GABRG2: variants seen among roughly 807,000 people sequenced by gnomAD.
The protein encoded by GABRG2 is gamma-aminobutyric acid receptor subunit gamma-2.
A neutral mutation model predicts 56.4 loss-of-function variants in GABRG2; 16 were observed. That is an observed-to-expected ratio of 0.28 (90% CI 0.19 to 0.43). GABRG2 has a LOEUF of 0.43. GABRG2 is among the 20% of genes least tolerant of loss of function. GABRG2 has a pLI of 1.00. For synonymous variants in GABRG2, 208 were observed against 205.5 expected, an observed-to-expected ratio of 1.01 and a Z score of -0.10; for missense variants, 327 against 582.7, an observed-to-expected ratio of 0.56 and a Z score of 4.52.
At chr5:162,117,443 GA>G (rs903186468) in intron 6 of GABRG2, among the ~76,000 whole-genome samples, 1,555 of 148,850 alleles carry the variant, frequency 0.01, 28 homozygotes, top group African/African-American at 0.036. Context: ...TCTTTTCATG[GA>G]AAAAAAAAAT....
At chr5:162,143,820 T>A (rs1764759047) in intron 7 of GABRG2, among the ~76,000 whole-genome samples, 1 of 152,180 alleles carries the variant, frequency 6.6e-6, no homozygotes, top group African/African-American at 2.4e-5. Context: ...TAGTAAAGCC[T>A]CAGAAATGTT....
Position 162,153,836 on chromosome 5 carries a change from T to G in GABRG2, c.*468T>G, listed in dbSNP as rs1167572595. 5.6e-6 allele frequency: 1 copy of G among 179,986 alleles called. No individual in the cohort carries two copies. The highest frequency in any genetic ancestry group is 1.2e-5 in the Non-Finnish European group (1 of 83,958). The allele number at this position is 179,986 out of a possible 1,614,324, so 11.1% of individuals were successfully genotyped here. A position where few individuals can be genotyped will look rare whatever the true frequency, so the allele number is the denominator to read the frequency against. The stretch of plus-strand genomic sequence containing the variant: ...ATAACTCACTTTAAATATGAAAGCC[T>G]AGTCCAGAAATCTATTACACCTTTA... On this transcript the variant is annotated 3_prime_UTR_variant, in exon 10 of 10. Transcript: ENST00000639213.
intron 6 of GABRG2, among the ~76,000 whole-genome samples, chr5:162,136,250 G>C (rs1211275416): frequency 2.6e-5 from 4 of 152,178 alleles, no homozygotes; most frequent in African/African-American, 9.6e-5. Flanking sequence ...ACTCTAGAAA[G>C]AAAAGCTTGG....
intron 1 of GABRG2, among the ~76,000 whole-genome samples, chr5:162,068,829 C>G (rs1244798698): frequency 1.3e-5 from 2 of 152,088 alleles, no homozygotes; most frequent in Non-Finnish European, 2.9e-5. Flanking sequence ...AGATCCTGAT[C>G]TGTTTACCTC....
In GABRG2 at chr5:162,093,983, T is replaced by C; in HGVS notation, c.259+4T>C. 6.2e-7 allele frequency: 1 copy of C among 1,613,088 alleles called. No individual in the cohort carries two copies. The highest frequency in any genetic ancestry group is 1.3e-5 in the African/African-American group (1 of 74,982). On this transcript the variant is annotated splice_donor_region_variant and intron_variant, in intron 2 of 9. Coordinates refer to ENST00000639213, the MANE Select transcript of GABRG2 (RefSeq NM_198904.4). ...AAACTTCGGCCTGATATAGGAGGTT[T>C]GTTAAAGTCTTTTGCGTTGTGCTAT...
intron 6 of GABRG2, among the ~76,000 whole-genome samples, chr5:162,109,388 TAATATA>T (rs1219942807): frequency 0.041 from 1,599 of 39,166 alleles, 57 homozygotes; most frequent in African/African-American, 0.13. Flanking sequence ...ACTTAAAGTA[TAATATA>T]TATATATATA....
intron 6 of GABRG2, among the ~76,000 whole-genome samples, chr5:162,104,469 G>A (rs756978176): frequency 1.3e-5 from 2 of 151,998 alleles, no homozygotes; most frequent in Non-Finnish European, 2.9e-5. Flanking sequence ...TCCATCAGTG[G>A]ATAATAGAAC....
chr5:162,095,647 C>T, intron 3 of GABRG2, 85 bp downstream of exon 3: 1 of 954,850 alleles, frequency 1.0e-6, no homozygotes. Context: ...AAAAGACATG[C>T]CAGCAAAAAA....
At chr5:162,079,654 T>C (rs1759489244) in intron 1 of GABRG2, among the ~76,000 whole-genome samples, 1 of 151,984 alleles carries the variant, frequency 6.6e-6, no homozygotes, top group Non-Finnish European at 1.5e-5. Context: ...TATATAACAC[T>C]GCTTTTATAA....
chr5:162,101,529 A>G, intron 5 of GABRG2: 3 of 580,916 alleles, frequency 5.2e-6, no homozygotes, highest in Admixed American at 5.9e-5. Context: ...ATTAAGAATT[A>G]CAATAGGTTT....
intron 8 of GABRG2, 112 bp from the exon 9 acceptor site, chr5:162,151,616 CTG>C (rs959744569): frequency 2.0e-5 from 18 of 881,400 alleles, no homozygotes; most frequent in Non-Finnish European, 2.7e-5. Flanking sequence ...ATTTCACTTA[CTG>C]TGTTTTCAAA....
chr5:162,109,880 A>G (rs1167636761), intron 6 of GABRG2, among the ~76,000 whole-genome samples: 1 of 152,028 alleles, frequency 6.6e-6, no homozygotes, highest in African/African-American at 2.4e-5. Context: ...CTTACGGGAA[A>G]CTTACATTGG....
chr5:162,102,875 G>A (rs1242941790), intron 5 of GABRG2: 2 of 177,402 alleles, frequency 1.1e-5, no homozygotes, highest in Admixed American at 1.1e-4. Context: ...AATAGATAAA[G>A]CTGCATCAAA....
intron 8 of GABRG2, chr5:162,149,805 G>T (rs1210442590): frequency 2.8e-6 from 1 of 363,358 alleles, no homozygotes; most frequent in African/African-American, 2.1e-5. Context: ...GTACAGACGG[G>T]GTTTCACCAT....
chr5:162,129,758 T>C (rs1763597291), intron 6 of GABRG2, among the ~76,000 whole-genome samples: 1 of 152,020 alleles, frequency 6.6e-6, no homozygotes, highest in African/African-American at 2.4e-5. Flanking sequence ...ATTTCAAAAA[T>C]AAATTTTAGA....
Position 162,154,357 on chromosome 5 carries a change from C to G in GABRG2, c.*989C>G, listed in dbSNP as rs1765578554. Reference sequence around the variant, plus strand: ...GTGGGCAGAATCCTTGTCATTTCCTCTTTGGGTCTGTAGCACCTTGCATAG... The same window carrying G: ...GTGGGCAGAATCCTTGTCATTTCCTGTTTGGGTCTGTAGCACCTTGCATAG... On this transcript the variant is annotated 3_prime_UTR_variant, in exon 10 of 10. Transcript: ENST00000639213. 1 of 152,118 alleles carries G rather than the reference C, an allele frequency of 6.6e-6. No individual in the cohort carries two copies. The highest frequency in any genetic ancestry group is 1.5e-5 in the Non-Finnish European group (1 of 68,030). 9.4% of individuals were successfully genotyped at this position (152,118 alleles called of 1,614,324 possible).
intron 1 of GABRG2, among the ~76,000 whole-genome samples, chr5:162,088,732 A>G (rs1760327670): frequency 6.6e-6 from 1 of 152,118 alleles, no homozygotes; most frequent in Non-Finnish European, 1.5e-5. Context: ...TAATGGTTAA[A>G]TGTTTAGTTT....
intron 4 of GABRG2, chr5:162,099,127 T>A (rs1761220970): frequency 6.6e-6 from 1 of 152,114 alleles, no homozygotes; most frequent in Non-Finnish European, 1.5e-5. Context: ...ATATAATACT[T>A]GAATAGGCTC....
At chr5:162,139,242 C>A (rs1350235210) in intron 6 of GABRG2, among the ~76,000 whole-genome samples, 1 of 152,314 alleles carries the variant, frequency 6.6e-6, no homozygotes, top group Non-Finnish European at 1.5e-5. Context: ...AGGAATAAAT[C>A]TGAAGTGGCA....
Sources: allele counts gnomAD v4.1 joint callset (sites outside exome capture counted in the v4.1 genomes callset), GRCh38; gene constraint gnomAD v4.1.1; transcripts MANE v1.5; gene names NCBI Gene and HGNC (gene_info 2026-07-23, HGNC 2026-07-21).